Variants in DTNB observed in about 807,000 individuals in gnomAD.
The protein encoded by DTNB is dystrobrevin beta, also known as DTN-B.
Under a neutral mutation model 90.7 loss-of-function variants are expected in DTNB, and 63 were observed. That is an observed-to-expected ratio of 0.69 (90% CI 0.57 to 0.86). DTNB has a LOEUF of 0.86. DTNB is among the 40% of genes least tolerant of loss of function. The pLI, the probability that DTNB is intolerant of heterozygous loss-of-function variation, is 0.00. For missense variants in DTNB, 744 were observed against 807.1 expected, an observed-to-expected ratio of 0.92 and a Z score of 0.95; for synonymous variants, 277 against 286.7, an observed-to-expected ratio of 0.97 and a Z score of 0.34.
chr2:25,386,345 T>G (rs761353853), intron 18 of DTNB, among the ~76,000 whole-genome samples: 1 of 152,224 alleles, frequency 6.6e-6, no homozygotes, highest in Non-Finnish European at 1.5e-5. Flanking sequence ...TTTGAATAAG[T>G]GTATGTGTTT....
At chr2:25,620,964 T>G (rs1388157331) in intron 4 of DTNB, among the ~76,000 whole-genome samples, 2 of 152,128 alleles carry the variant, frequency 1.3e-5, no homozygotes, top group East Asian at 3.9e-4. Context: ...GAGTTCAAAG[T>G]TGCAGTGAGC....
chr2:25,592,026 A>T (rs1169124271), intron 6 of DTNB, among the ~76,000 whole-genome samples: 1 of 142,072 alleles, frequency 7.0e-6, no homozygotes, highest in Non-Finnish European at 1.5e-5. Context: ...GCACCAATGT[A>T]CTCCAGCCTG....
At chr2:25,402,150 C>T (rs2043893507) in intron 16 of DTNB, among the ~76,000 whole-genome samples, 1 of 152,200 alleles carries the variant, frequency 6.6e-6, no homozygotes, top group African/African-American at 2.4e-5. Context: ...TAGGAAGATG[C>T]AGCTGTCTCA....
intron 4 of DTNB, among the ~76,000 whole-genome samples, chr2:25,627,286 T>C (rs1050502198): frequency 1.3e-5 from 2 of 152,040 alleles, no homozygotes; most frequent in East Asian, 3.9e-4. Context: ...GTGGCGCATG[T>C]CTGTAATCCC....
In DTNB at chr2:25,510,910, G is replaced by A. The variant is rs550982962; in HGVS notation, c.1001+20563C>T. ...AAATTTAATTAAATTCCTGAGTTGG[G>A]ATTTGGGGGCTAAAAATATGGTATA... is the stretch of plus-strand genomic sequence containing the variant. On this transcript the variant is annotated intron_variant, in intron 9 of 20. Coordinates refer to ENST00000406818, the MANE Select transcript of DTNB (RefSeq NM_021907.5). 7.4e-4 allele frequency among the ~76,000 whole-genome samples: 113 copies of A among 152,330 alleles called. 1 individual carries two copies. Among genetic ancestry groups the A allele is most frequent in the African/African-American group, 2.5e-3 (102 of 41,572 alleles).
intron 16 of DTNB, among the ~76,000 whole-genome samples, chr2:25,406,673 C>T (rs972134334): frequency 6.6e-6 from 1 of 152,092 alleles, no homozygotes; most frequent in Non-Finnish European, 1.5e-5. Context: ...TAACTGGCCC[C>T]GAATGTCACT....
Position 25,526,382 on chromosome 2 carries a change from TATATATATA to T in DTNB, c.1001+5082_1001+5090del, listed in dbSNP as rs1381779663. Among the ~76,000 whole-genome samples the T allele has an allele frequency of 2.4e-4, 13 of 53,706 alleles. 1 individual carries two copies. The highest frequency in any genetic ancestry group is 1.2e-3 in the African/African-American group (11 of 9,158). The allele number at this position is 53,706 out of a possible 152,430, so 35.2% of individuals were successfully genotyped here. A position where few individuals can be genotyped will look rare whatever the true frequency, so the allele number is the denominator to read the frequency against. On this transcript the variant is annotated intron_variant, in intron 9 of 20. Transcript: ENST00000406818. ...ATATAAATATATATATATATATATATATATATATATATATTTTTTTTTTTTTAATTGAGA... is the reference window on the plus strand; with the variant it reads ...ATATAAATATATATATATATATATATTATATTTTTTTTTTTTTAATTGAGA...
chr2:25,569,430 C>A (rs1471330948), intron 8 of DTNB, among the ~76,000 whole-genome samples: 1 of 152,126 alleles, frequency 6.6e-6, no homozygotes, highest in African/African-American at 2.4e-5. Context: ...CTCTTATTTC[C>A]AGGTAGAGGG....
In DTNB at chr2:25,432,873, T is replaced by G. The variant is rs751092115; in HGVS notation, c.1457+13A>C. On this transcript the variant is annotated intron_variant, in intron 14 of 20. Coordinates refer to ENST00000406818, the MANE Select transcript of DTNB (RefSeq NM_021907.5). ...AGATTACATGTGGCAAGTGGTAGAGTGTCCCTACTCACCTCAGCAGCCGCA... is the reference window on the plus strand; with the variant it reads ...AGATTACATGTGGCAAGTGGTAGAGGGTCCCTACTCACCTCAGCAGCCGCA... The G allele has an allele frequency of 3.8e-6, 6 of 1,583,064 alleles. No individual in the cohort carries two copies. The highest frequency in any genetic ancestry group is 2.3e-5 in the South Asian group (2 of 86,732).
chr2:25,546,305 G>A (rs1205834628), intron 8 of DTNB, among the ~76,000 whole-genome samples: 1 of 152,166 alleles, frequency 6.6e-6, no homozygotes, highest in Non-Finnish European at 1.5e-5. Flanking sequence ...TTCATTTTGT[G>A]CCAAAGGCTG....
intron 9 of DTNB, among the ~76,000 whole-genome samples, chr2:25,486,291 C>T (rs1381804157): frequency 1.3e-5 from 2 of 151,944 alleles, no homozygotes; most frequent in African/African-American, 2.4e-5. Context: ...AGCGAAACCC[C>T]GTCTCTACAA....
chr2:25,404,896 C>G (rs2044685197), intron 16 of DTNB, among the ~76,000 whole-genome samples: 1 of 152,052 alleles, frequency 6.6e-6, no homozygotes, highest in Non-Finnish European at 1.5e-5. Context: ...GAAAACTACA[C>G]AACCCGTGGA....
chr2:25,452,712 G>A (rs1191791074), intron 11 of DTNB, among the ~76,000 whole-genome samples: 8 of 151,590 alleles, frequency 5.3e-5, no homozygotes, highest in Admixed American at 2.6e-4. Flanking sequence ...AACTTTTCAT[G>A]TGTAGAATCA....
chr2:25,594,743 C>G (rs1050252554), intron 6 of DTNB: 1 of 152,148 alleles, frequency 6.6e-6, no homozygotes, highest in Admixed American at 6.5e-5. Flanking sequence ...TTCCCTTAAC[C>G]AAGATTCCTC....
chr2:25,477,652 T>C (rs981759583), intron 10 of DTNB, among the ~76,000 whole-genome samples: 14 of 152,118 alleles, frequency 9.2e-5, no homozygotes, highest in African/African-American at 2.9e-4. Flanking sequence ...ATATTATTTG[T>C]TGGGAGAAAT....
Position 25,500,806 on chromosome 2 carries a change from A to C in DTNB, c.1002-17933T>G, listed in dbSNP as rs531132866. 1.3e-4 allele frequency among the ~76,000 whole-genome samples: 20 copies of C among 152,372 alleles called. No homozygotes were observed. The East Asian group carries it at 3.9e-3, about 29-fold the overall frequency. ...TGTATAGCTAGGACCAAAACAAAAA[A>C]GGAAACTCTGTTTAATGCCTAAACA... On this transcript the variant is annotated intron_variant, in intron 9 of 20. Transcript: ENST00000406818.
intron 9 of DTNB, among the ~76,000 whole-genome samples, chr2:25,488,564 A>G (rs529375596): frequency 6.6e-6 from 1 of 152,244 alleles, no homozygotes; most frequent in Non-Finnish European, 1.5e-5. Flanking sequence ...CAGAACTCAG[A>G]TGAAATGTCA....
chr2:25,434,588 T>C (rs980912378), intron 12 of DTNB, among the ~76,000 whole-genome samples: 11 of 152,040 alleles, frequency 7.2e-5, no homozygotes, highest in South Asian at 2.1e-4. Context: ...TTTTTATTGC[T>C]GTATAGTATT....
intron 7 of DTNB, among the ~76,000 whole-genome samples, chr2:25,577,671 A>C (rs1032502977): frequency 3.3e-5 from 5 of 152,192 alleles, no homozygotes; most frequent in Admixed American, 3.3e-4. Flanking sequence ...ATTTCCTCTG[A>C]CAATTCAACT....
Sources: gnomAD v4.1 joint callset for allele counts (sites outside exome capture counted in the v4.1 genomes callset) on GRCh38, gnomAD v4.1.1 for gene constraint, MANE v1.5 for transcripts, NCBI Gene and HGNC (gene_info 2026-07-23, HGNC 2026-07-21) for gene names.